The following RIMS1 variants were observed in gnomAD, a reference collection of about 807,000 sequenced individuals.
RIMS1 encodes regulating synaptic membrane exocytosis protein 1.
Under a neutral mutation model 214.1 loss-of-function variants are expected in RIMS1, and 83 were observed. The observed-to-expected ratio is 0.39, with a 90% CI of 0.32 to 0.47. RIMS1 has a LOEUF of 0.47. Among genes scored for constraint, RIMS1 ranks in the 20% least tolerant of loss-of-function variants. The probability of loss-of-function intolerance (pLI) is 0.99; values close to 1 mark genes in which losing one functional copy is unlikely to be tolerated. For missense variants in RIMS1, 2,050 were observed against 2,161.8 expected, an observed-to-expected ratio of 0.95 and a Z score of 1.03; for synonymous variants, 793 against 786.8, an observed-to-expected ratio of 1.01 and a Z score of -0.13.
intron 2 of RIMS1, among the ~76,000 whole-genome samples, chr6:72,055,418 C>T (rs751947954): frequency 9.9e-5 from 15 of 152,136 alleles, no homozygotes; most frequent in Non-Finnish European, 1.5e-4. Context: ...TGTATTTCCA[C>T]GAGTAACCCA....
intron 29 of RIMS1, among the ~76,000 whole-genome samples, chr6:72,365,405 C>A (rs1048996123): frequency 2.0e-5 from 3 of 152,170 alleles, no homozygotes; most frequent in African/African-American, 7.2e-5. Context: ...TACCAAGGTA[C>A]CAGTAGGCTA....
chr6:71,951,467 C>CTTTTCTTTTTCT lies in RIMS1; in HGVS notation c.165-17511_165-17500dup, dbSNP rs148721796. 9.5e-3 allele frequency among the ~76,000 whole-genome samples: 1,056 copies of CTTTTCTTTTTCT among 111,432 alleles called. 19 individuals are homozygous for CTTTTCTTTTTCT. The highest frequency in any genetic ancestry group is 0.019 in the African/African-American group (573 of 30,222). The allele number at this position is 111,432 out of a possible 152,430, so 73.1% of individuals were successfully genotyped here. Reference sequence around the variant, plus strand: ...GTAGAGTAAAAGACCATTTTTTCCACTTTTCTTTTTCTTTTTTTTTTTTTT... The same window carrying CTTTTCTTTTTCT: ...GTAGAGTAAAAGACCATTTTTTCCACTTTTCTTTTTCTTTTTCTTTTTCTTTTTTTTTTTTTT... On this transcript the variant is annotated intron_variant, in intron 1 of 33. Transcript: ENST00000521978.
intron 29 of RIMS1, among the ~76,000 whole-genome samples, chr6:72,376,202 G>A (rs969198890): frequency 5.9e-5 from 9 of 152,140 alleles, no homozygotes; most frequent in Admixed American, 5.9e-4. Flanking sequence ...TCGTAAACCA[G>A]TCATTACAAT....
intron 4 of RIMS1, among the ~76,000 whole-genome samples, chr6:72,114,232 T>G (rs9341361): frequency 0.22 from 32,900 of 151,900 alleles, 4,295 homozygotes; most frequent in East Asian, 0.31. Flanking sequence ...GTTTTTAAAT[T>G]TGTGTATTAT....
intron 4 of RIMS1, among the ~76,000 whole-genome samples, chr6:72,143,539 T>C (rs1336300523): frequency 6.6e-6 from 1 of 152,120 alleles, no homozygotes; most frequent in Non-Finnish European, 1.5e-5. Context: ...CTGTCAGCAA[T>C]GGAATGTGGA....
At chr6:72,277,324 G>C (rs2154199590) in intron 23 of RIMS1, among the ~76,000 whole-genome samples, 1 of 152,324 alleles carries the variant, frequency 6.6e-6, no homozygotes, top group South Asian at 2.1e-4. Flanking sequence ...GCTCACGCCT[G>C]TAATCCCAGC....
intron 1 of RIMS1, among the ~76,000 whole-genome samples, chr6:71,935,681 T>C (rs144436168): frequency 5.3e-5 from 8 of 152,314 alleles, no homozygotes; most frequent in African/African-American, 1.9e-4. Context: ...CATCCTGATA[T>C]GCTCTTAAAA....
intron 2 of RIMS1, among the ~76,000 whole-genome samples, chr6:72,057,732 C>T (rs1202287862): frequency 2.0e-5 from 3 of 152,150 alleles, no homozygotes; most frequent in Middle Eastern, 3.2e-3. Flanking sequence ...TGGTCCCGAT[C>T]TCCTGACTTC....
At position 72,004,025 on chromosome 6, in the gene RIMS1, C is replaced by T. The variant is rs534427616; in HGVS notation, c.245+34962C>T. 1.2e-4 allele frequency among the ~76,000 whole-genome samples: 12 copies of T among 101,026 alleles called. No individual in the cohort carries two copies. The Admixed American group carries it at 1.5e-3, about 13-fold the overall frequency. 66.3% of individuals were successfully genotyped at this position (101,026 alleles called of 152,430 possible). ...CTAATGCTATCCCTCCCCCCTCCCC[C>T]CACCCCAAAACAGTCCCCAGAGTGT... On this transcript the variant is annotated intron_variant, in intron 2 of 33. Coordinates refer to ENST00000521978, the MANE Select transcript of RIMS1 (RefSeq NM_014989.7).
chr6:72,209,712 T>C (rs2053498750), intron 6 of RIMS1, among the ~76,000 whole-genome samples: 2 of 152,036 alleles, frequency 1.3e-5, no homozygotes, highest in African/African-American at 4.8e-5. Context: ...CCATCCTGGC[T>C]AACACGATGA....
At chr6:72,121,810 A>G (rs187186236) in intron 4 of RIMS1, among the ~76,000 whole-genome samples, 1,725 of 151,960 alleles carry the variant, frequency 0.011, 41 homozygotes, top group Non-Finnish European at 0.018. Flanking sequence ...AGTTCTTATT[A>G]TTTTGAGATA....
intron 4 of RIMS1, among the ~76,000 whole-genome samples, chr6:72,112,498 T>G (rs975303127): frequency 1.3e-5 from 2 of 152,136 alleles, no homozygotes; most frequent in Admixed American, 6.6e-5. Context: ...ACTCCACACA[T>G]ACACACATCC....
chr6:72,168,242 A>G (rs906649121), intron 4 of RIMS1, among the ~76,000 whole-genome samples: 9 of 152,204 alleles, frequency 5.9e-5, no homozygotes, highest in Non-Finnish European at 4.4e-5. Context: ...GCCTTCTTAG[A>G]TGAAAGAATT....
intron 1 of RIMS1, among the ~76,000 whole-genome samples, chr6:71,891,970 C>T (rs1249868453): frequency 6.6e-6 from 1 of 152,170 alleles, no homozygotes; most frequent in Non-Finnish European, 1.5e-5. Flanking sequence ...AGTACCATGG[C>T]TTATAAAGTC....
intron 2 of RIMS1, among the ~76,000 whole-genome samples, chr6:72,075,098 T>C (rs1831467487): frequency 6.6e-6 from 1 of 152,086 alleles, no homozygotes; most frequent in South Asian, 2.1e-4. Context: ...GTCTTTTATT[T>C]TGAGACAGGG....
intron 2 of RIMS1, among the ~76,000 whole-genome samples, chr6:72,027,239 G>A (rs1816784734): frequency 6.6e-6 from 1 of 152,200 alleles, no homozygotes; most frequent in Non-Finnish European, 1.5e-5. Context: ...GATGAACCCG[G>A]AACCTGAGCC....
chr6:72,045,643 T>G (rs1204752968), intron 2 of RIMS1, among the ~76,000 whole-genome samples: 2 of 152,032 alleles, frequency 1.3e-5, no homozygotes, highest in African/African-American at 4.8e-5. Context: ...TGACAGTGAC[T>G]ATTGCCACAG....
chr6:72,046,520 C>T (rs183255096), intron 2 of RIMS1, among the ~76,000 whole-genome samples: 14 of 151,960 alleles, frequency 9.2e-5, no homozygotes, highest in Admixed American at 5.3e-4. Flanking sequence ...AGGATGGGAA[C>T]GGGGAAAGGT....
chr6:72,025,834 A>G (rs1816270352), intron 2 of RIMS1, among the ~76,000 whole-genome samples: 1 of 152,198 alleles, frequency 6.6e-6, no homozygotes, highest in Non-Finnish European at 1.5e-5. Flanking sequence ...TGCTATATTC[A>G]ACTAAAGACT....
Sources: allele counts gnomAD v4.1 joint callset (sites outside exome capture counted in the v4.1 genomes callset), GRCh38; gene constraint gnomAD v4.1.1; transcripts MANE v1.5; gene names NCBI Gene and HGNC (gene_info 2026-07-23, HGNC 2026-07-21).